Variants in RNF38 observed in about 807,000 individuals in gnomAD.
RNF38 encodes ring finger protein 38.
In RNF38, 15 loss-of-function variants were observed where a neutral mutation model predicts 67.2. The ratio of observed to expected loss-of-function variants is 0.22; its 90% CI spans 0.15 to 0.34. The LOEUF (loss-of-function observed/expected upper bound fraction) is 0.34. RNF38 is among the 10% of genes least tolerant of loss of function. The pLI is 1.00. For synonymous variants in RNF38, 220 were observed against 218.8 expected (o/e 1.01, Z -0.05); for missense variants, 524 against 639.9 (o/e 0.82, Z 1.95).
chr9:36,448,102 C>T (rs1464844839), intron 1 of RNF38, among the ~76,000 whole-genome samples: 1 of 152,166 alleles, frequency 6.6e-6, no homozygotes, highest in African/African-American at 2.4e-5. Flanking sequence ...TACCCAAAGG[C>T]ACACAGAAAC....
rs956566671 is a variant in RNF38, at chr9:36,462,969, G to A, written n.241+24339C>T. Reference sequence around the variant, plus strand: ...TTACAGGTGTGAGCCACTGTACCCCGCCCTGATTTACTTTTTTTTTTTTTA... The same window carrying A: ...TTACAGGTGTGAGCCACTGTACCCCACCCTGATTTACTTTTTTTTTTTTTA... On this transcript the variant is annotated intron_variant and non_coding_transcript_variant, in intron 1 of 3. Coordinates refer to the RNF38 transcript ENST00000488058. Among the ~76,000 whole-genome samples the A allele has an allele frequency of 5.4e-4, 82 of 151,114 alleles. 1 individual carries two copies. The highest frequency in any genetic ancestry group is 1.8e-3 in the African/African-American group (74 of 40,974).
intron 1 of RNF38, among the ~76,000 whole-genome samples, chr9:36,433,318 G>A (rs1838977293): frequency 6.6e-6 from 1 of 151,664 alleles, no homozygotes; most frequent in African/African-American, 2.4e-5. Context: ...TTGAGGTGAT[G>A]GATACCCCCC....
rs1248017175 is a variant in RNF38, at chr9:36,352,861, A to C, written c.1072-13T>G. 3 of 1,559,686 alleles carry C rather than the reference A, an allele frequency of 1.9e-6. No homozygotes were observed. In the Admixed American group the frequency reaches 5.0e-5, roughly 26 times the overall value. ...ATGGAGGATAAGGCTGCAAGGGGAA[A>C]AATGTTAAGATTTAGAATCACTCTA... On this transcript the variant is annotated splice_polypyrimidine_tract_variant and intron_variant, in intron 7 of 11. Coordinates refer to ENST00000259605, the MANE Select transcript of RNF38 (RefSeq NM_022781.5).
At chr9:36,439,153 T>C (rs1839137271) in intron 1 of RNF38, among the ~76,000 whole-genome samples, 2 of 152,346 alleles carry the variant, frequency 1.3e-5, no homozygotes, top group Admixed American at 1.3e-4. Flanking sequence ...AAAAATTATA[T>C]TCTAGCTAAT....
upstream of RNF38, chr9:36,400,404 G>GACCGCGCCTCCTCGCC (rs1262731087): frequency 8.8e-7 from 1 of 1,139,776 alleles, no homozygotes; most frequent in Non-Finnish European, 1.1e-6. Context: ...CGCGAGCTGA[G>GACCGCGCCTCCTCGCC]ACCGCGCCTC....
chr9:36,393,864 G>A (rs1282185901), intron 1 of RNF38, among the ~76,000 whole-genome samples: 1 of 152,142 alleles, frequency 6.6e-6, no homozygotes, highest in East Asian at 1.9e-4. Flanking sequence ...GGGCTTGAGG[G>A]CAGCTTCTAG....
chr9:36,451,059 T>C (rs942214411), intron 1 of RNF38, among the ~76,000 whole-genome samples: 2 of 152,150 alleles, frequency 1.3e-5, no homozygotes, highest in Admixed American at 6.6e-5. Context: ...ACCAATGCAG[T>C]GCAAAGAGAA....
At position 36,420,254 on chromosome 9, in the gene RNF38, C is replaced by CG. The variant is rs796265680; in HGVS notation, n.312+4358dup. Among the ~76,000 whole-genome samples the CG allele has an allele frequency of 5.3e-5, 8 of 152,114 alleles. 1 individual carries two copies. The highest frequency in any genetic ancestry group is 1.9e-4 in the African/African-American group (8 of 41,534). ...CCTGGTTAAAAGGACAACCTTCGGC[C>CG]GGGCACGGTGGCTCACGCCTGTAAT... is the stretch of plus-strand genomic sequence containing the variant. On this transcript the variant is annotated intron_variant and non_coding_transcript_variant, in intron 2 of 3. Coordinates refer to the RNF38 transcript ENST00000488058.
chr9:36,430,604 GA>G (rs1324781976), intron 1 of RNF38, among the ~76,000 whole-genome samples: 1 of 152,106 alleles, frequency 6.6e-6, no homozygotes, highest in Non-Finnish European at 1.5e-5. Flanking sequence ...AATATGTGTG[GA>G]GATATAAGAG....
intron 1 of RNF38, among the ~76,000 whole-genome samples, chr9:36,440,652 C>G (rs1365869381): frequency 6.6e-6 from 1 of 152,100 alleles, no homozygotes; most frequent in Non-Finnish European, 1.5e-5. Context: ...GCCCTGTTAT[C>G]TAAACATAGA....
At chr9:36,466,782 C>A (rs146443513) in intron 1 of RNF38, among the ~76,000 whole-genome samples, 3 of 152,100 alleles carry the variant, frequency 2.0e-5, no homozygotes, top group African/African-American at 7.2e-5. Flanking sequence ...AATAAAGGAA[C>A]TTTTATTTTC....
At chr9:36,377,728 TATA>T (rs1415471298) in intron 2 of RNF38, among the ~76,000 whole-genome samples, 1 of 152,238 alleles carries the variant, frequency 6.6e-6, no homozygotes, top group Non-Finnish European at 1.5e-5. Context: ...CGTATTTGCA[TATA>T]ACGTACACAC....
intron 1 of RNF38, among the ~76,000 whole-genome samples, chr9:36,439,747 T>C (rs565923485): frequency 5.6e-5 from 8 of 141,630 alleles, no homozygotes; most frequent in Non-Finnish European, 1.0e-4. Flanking sequence ...GCCGAGATTA[T>C]ATCACTGTAC....
intron 2 of RNF38, among the ~76,000 whole-genome samples, chr9:36,421,144 T>C (rs976411866): frequency 1.3e-5 from 2 of 152,074 alleles, no homozygotes; most frequent in Non-Finnish European, 2.9e-5. Flanking sequence ...GTAAGAAAAA[T>C]CATCTTTTCT....
At chr9:36,482,554 T>C (rs1450558301) in intron 1 of RNF38, among the ~76,000 whole-genome samples, 11 of 129,252 alleles carry the variant, frequency 8.5e-5, no homozygotes, top group East Asian at 4.9e-4. Context: ...GGTTTCACCA[T>C]GTTGGCCAGG....
intron 9 of RNF38, among the ~76,000 whole-genome samples, chr9:36,350,520 T>G (rs980961871): frequency 1.3e-5 from 2 of 152,248 alleles, no homozygotes; most frequent in Non-Finnish European, 2.9e-5. Flanking sequence ...CATCTGTTGA[T>G]TCTCAAGAAT....
chr9:36,468,297 T>C (rs1452743478), intron 1 of RNF38, among the ~76,000 whole-genome samples: 2 of 148,724 alleles, frequency 1.3e-5, no homozygotes, highest in Non-Finnish European at 3.0e-5. Context: ...CCAAAGAAGA[T>C]AGGAGACAGA....
intron 4 of RNF38, among the ~76,000 whole-genome samples, chr9:36,362,249 T>C (rs1003466101): frequency 2.6e-5 from 4 of 151,328 alleles, no homozygotes; most frequent in Non-Finnish European, 5.9e-5. Flanking sequence ...TCCCAGCTAC[T>C]CGGGAGGCTG....
At chr9:36,427,716 T>C (rs1044381215) in intron 1 of RNF38, among the ~76,000 whole-genome samples, 2 of 151,020 alleles carry the variant, frequency 1.3e-5, no homozygotes, top group Non-Finnish European at 1.5e-5. Flanking sequence ...CCTACCTATC[T>C]ATTAATTTAT....
Sources: gnomAD v4.1 joint callset for allele counts (sites outside exome capture counted in the v4.1 genomes callset) on GRCh38, gnomAD v4.1.1 for gene constraint, MANE v1.5 for transcripts, NCBI Gene and HGNC (gene_info 2026-07-23, HGNC 2026-07-21) for gene names.